CACYBP: variants seen among roughly 807,000 people sequenced by gnomAD.
The protein encoded by CACYBP is calcyclin binding protein.
In CACYBP, 11 loss-of-function variants were observed where a neutral mutation model predicts 29.6. The observed-to-expected ratio is 0.37, with a 90% CI of 0.23 to 0.61. The LOEUF (loss-of-function observed/expected upper bound fraction) is 0.61, where lower values mean the gene tolerates loss of function less well. CACYBP is among the 20% of genes least tolerant of loss of function. The pLI is 0.65. For missense variants in CACYBP, 163 were observed against 260.7 expected, an observed-to-expected ratio of 0.63 and a Z score of 2.58; for synonymous variants, 73 against 88.3, an observed-to-expected ratio of 0.83 and a Z score of 0.97.
At chr1:175,001,962 G>A (rs1349443821) in intron 1 of CACYBP, among the ~76,000 whole-genome samples, 2 of 152,096 alleles carry the variant, frequency 1.3e-5, no homozygotes, top group Non-Finnish European at 2.9e-5. Context: ...GGCTGGTCTC[G>A]AACTCCTGAT....
rs955733877 is a variant in CACYBP at position 175,004,658 on chromosome 1, T to C, written c.60T>C (p.Ala20=). Residue 20 remains alanine, a synonymous_variant, in exon 2 of 6, where the codon GCT becomes GCC. Transcript: ENST00000367679. ...AGGTAAAGGTGTTGCTGGAAAAGGC[T>C]ACTAGGAAAAGAGTACGTGATGCCC... ...LEEVKVLLEK[A]TRKRVRDALT... 1 of 1,612,588 alleles carries C rather than the reference T, an allele frequency of 6.2e-7. No individual in the cohort carries two copies. The highest frequency in any genetic ancestry group is 8.5e-7 in the Non-Finnish European group (1 of 1,179,526).
At chr1:175,003,689 T>TTA (rs1467031877) in intron 1 of CACYBP, among the ~76,000 whole-genome samples, 1 of 152,036 alleles carries the variant, frequency 6.6e-6, no homozygotes, top group African/African-American at 2.4e-5. Context: ...CAAGCCAGAG[T>TTA]GTAAAGTTAT....
intron 1 of CACYBP, among the ~76,000 whole-genome samples, chr1:175,001,965 C>T (rs1248873711): frequency 6.6e-6 from 1 of 152,206 alleles, no homozygotes; most frequent in African/African-American, 2.4e-5. Context: ...TGGTCTCGAA[C>T]TCCTGATCTC....
chr1:175,001,685 T>C (rs1486023613), intron 1 of CACYBP, among the ~76,000 whole-genome samples: 1 of 152,236 alleles, frequency 6.6e-6, no homozygotes, highest in Admixed American at 6.5e-5. Flanking sequence ...CTAAATAATA[T>C]TCTATTATAT....
rs1672449653 is a variant in CACYBP, at chr1:175,000,559, T to G, written c.15+364T>G. 4 of 1,175,080 alleles carry G rather than the reference T, an allele frequency of 3.4e-6. No individual in the cohort carries two copies. In the South Asian group the frequency reaches 6.1e-5, roughly 18 times the overall value. The allele number at this position is 1,175,080 out of a possible 1,614,324, so 72.8% of individuals were successfully genotyped here. A position where few individuals can be genotyped will look rare whatever the true frequency, so the allele number is the denominator to read the frequency against. ...GAAGCTTCATTCAAGCAAAGCTGGG[T>G]GCAAACATGAGTGTCGTTCTTGGTA... is the stretch of plus-strand genomic sequence containing the variant. On this transcript the variant is annotated intron_variant, in intron 1 of 5. Transcript: ENST00000367679.
At chr1:175,002,656 AG>A in intron 1 of CACYBP, among the ~76,000 whole-genome samples, 1 of 152,232 alleles carries the variant, frequency 6.6e-6, no homozygotes, top group Non-Finnish European at 1.5e-5. Context: ...GTGCAGAAAA[AG>A]CATCAAAGGA....
rs565648903 is a variant in CACYBP at position 175,011,260 on chromosome 1, T to G, written c.*1181T>G. On this transcript the variant is annotated 3_prime_UTR_variant, in exon 6 of 6. Coordinates refer to ENST00000367679, the MANE Select transcript of CACYBP (RefSeq NM_014412.3). ...GTATAGGATAGCTATAAGTAAATAC[T>G]GAAACACATTATGCCTCTGTAATTG... 1 of 152,244 alleles carries G rather than the reference T, an allele frequency of 6.6e-6. No individual in the cohort carries two copies. Among genetic ancestry groups the G allele is most frequent in the Non-Finnish European group, 1.5e-5 (1 of 68,026 alleles). The allele number at this position is 152,244 out of a possible 1,614,324, so 9.4% of individuals were successfully genotyped here.
intron 2 of CACYBP, 91 bp downstream of exon 2, chr1:175,004,924 CTG>C (rs1011789351): frequency 1.1e-6 from 1 of 895,180 alleles, no homozygotes. Flanking sequence ...AGTTTTGAGT[CTG>C]TGTTTTTGGT....
At chr1:175,002,871 T>C (rs998059014) in intron 1 of CACYBP, among the ~76,000 whole-genome samples, 1 of 152,234 alleles carries the variant, frequency 6.6e-6, no homozygotes, top group African/African-American at 2.4e-5. Flanking sequence ...AGTATTCCTA[T>C]TTCAGTCAAA....
intron 4 of CACYBP, among the ~76,000 whole-genome samples, chr1:175,007,444 T>C (rs1484092747): frequency 1.3e-5 from 2 of 152,208 alleles, no homozygotes; most frequent in African/African-American, 4.8e-5. Context: ...ACCTAAAATA[T>C]TTACTATGCG....
At chr1:175,003,279 C>A (rs1017732151) in intron 1 of CACYBP, among the ~76,000 whole-genome samples, 1 of 152,048 alleles carries the variant, frequency 6.6e-6, no homozygotes, top group Non-Finnish European at 1.5e-5. Context: ...CCACCACACC[C>A]GGCAAATTTT....
rs1351330433 is a variant in CACYBP, at chr1:175,000,187, T to G, written c.7T>G (p.Ser3Ala). ...TCGGCCTGACCCAGCCCCCATGGCT[T>G]CAGAAGAGGTAAGTGGTCCGGCCCC... MASEELQKDLEEV... is the reference protein window; with the variant it reads MAAEELQKDLEEV... The change falls in exon 1 of 6, where the codon TCA becomes GCA. Residue 3 changes from serine to alanine, a missense_variant. By Grantham distance (99) the Ser-to-Ala change is moderately conservative. Coordinates refer to ENST00000367679, the MANE Select transcript of CACYBP (RefSeq NM_014412.3). 6.2e-7 allele frequency: 1 copy of G among 1,608,524 alleles called. No individual in the cohort carries two copies. Among genetic ancestry groups the G allele is most frequent in the Admixed American group, 1.7e-5 (1 of 59,546 alleles).
At chr1:175,000,813 G>A (rs1279149760) in intron 1 of CACYBP, among the ~76,000 whole-genome samples, 1 of 152,228 alleles carries the variant, frequency 6.6e-6, no homozygotes, top group Non-Finnish European at 1.5e-5. Context: ...AACTTGGAAA[G>A]TTAGTTGTAA....
chr1:174,999,999 T>G lies in CACYBP; in HGVS notation c.-182T>G. The G allele has an allele frequency of 2.3e-6, 2 of 855,534 alleles. No individual in the cohort carries two copies. Among genetic ancestry groups the G allele is most frequent in the Non-Finnish European group, 3.7e-6 (2 of 547,630 alleles). The allele number at this position is 855,534 out of a possible 1,614,324, so 53.0% of individuals were successfully genotyped here. The stretch of plus-strand genomic sequence containing the variant: ...GGTGGCGGCGGCTGCCTCGCGAAGG[T>G]TCGAGATCCGTCGCGTGCGGGAGGC... On this transcript the variant is annotated 5_prime_UTR_variant, in exon 1 of 6. Transcript: ENST00000367679.
intron 3 of CACYBP, 98 bp from the exon 4 acceptor site, chr1:175,007,000 C>G (rs1672635570): frequency 1.1e-6 from 1 of 913,210 alleles, no homozygotes; most frequent in Non-Finnish European, 1.7e-6. Flanking sequence ...AAATGCACAC[C>G]CTGAAATAAA....
intron 1 of CACYBP, among the ~76,000 whole-genome samples, chr1:175,000,990 A>G (rs923658224): frequency 2.6e-5 from 4 of 152,232 alleles, no homozygotes; most frequent in Non-Finnish European, 5.9e-5. Context: ...ACAGTTATTC[A>G]CAGTTAAGTG....
At chr1:175,008,815 T>C in intron 5 of CACYBP, 109 bp downstream of exon 5, 5 of 681,854 alleles carry the variant, frequency 7.3e-6, no homozygotes, top group South Asian at 6.7e-5. Flanking sequence ...ACTGTCAAAC[T>C]ACCTGAAGAG....
intron 1 of CACYBP, chr1:175,000,475 C>T: frequency 3.7e-6 from 5 of 1,343,024 alleles, no homozygotes; most frequent in East Asian, 3.3e-5. Flanking sequence ...TCTGGGAGAG[C>T]GGCCCTTTGC....
intron 1 of CACYBP, among the ~76,000 whole-genome samples, chr1:175,001,591 TG>T (rs558111924): frequency 6.6e-6 from 1 of 152,376 alleles, no homozygotes; most frequent in Non-Finnish European, 1.5e-5. Context: ...TGTGGCCTTT[TG>T]TTTTTTGGCT....
Sources: allele counts gnomAD v4.1 joint callset (sites outside exome capture counted in the v4.1 genomes callset), GRCh38; gene constraint gnomAD v4.1.1; transcripts MANE v1.5; gene names NCBI Gene and HGNC (gene_info 2026-07-23, HGNC 2026-07-21).